The following DTNA variants were observed in gnomAD, a reference collection of about 807,000 sequenced individuals.
DTNA encodes the protein dystrobrevin alpha.
A neutral mutation model predicts 100.7 loss-of-function variants in DTNA; 43 were observed. The observed-to-expected ratio is 0.43, with a 90% CI of 0.33 to 0.55. The LOEUF (loss-of-function observed/expected upper bound fraction) is 0.55. Among genes scored for constraint, DTNA ranks in the 20% least tolerant of loss-of-function variants. DTNA has a pLI of 0.04. For missense variants in DTNA, 798 were observed against 953.9 expected (o/e 0.84, Z 2.15); for synonymous variants, 349 against 347.9 (o/e 1.00, Z -0.04).
chr18:34,536,064 GTGTAA>G (rs748499506), intron 1 of DTNA, among the ~76,000 whole-genome samples: 2 of 151,870 alleles, frequency 1.3e-5, no homozygotes, highest in Non-Finnish European at 2.9e-5. Context: ...ATAAAATAAG[GTGTAA>G]AATACATTTT....
At chr18:34,654,614 T>A (rs1298519495) in intron 1 of DTNA, among the ~76,000 whole-genome samples, 4 of 152,174 alleles carry the variant, frequency 2.6e-5, no homozygotes, top group African/African-American at 9.7e-5. Context: ...CTCATATGGG[T>A]ACATTCTAAA....
At chr18:34,620,856 A>G (rs540362527) in intron 1 of DTNA, among the ~76,000 whole-genome samples, 5 of 152,280 alleles carry the variant, frequency 3.3e-5, no homozygotes, top group African/African-American at 1.2e-4. Context: ...GGGTGGGGAC[A>G]CATATCCAAA....
In DTNA at chr18:34,888,956, A is replaced by T; in HGVS notation, c.*1222A>T. Reference sequence around the variant, plus strand: ...AAAGGAGACAGGCTCTTCTAAGTTGAGTTGGGATTTTTGCACTCAGTGAAA... The same window carrying T: ...AAAGGAGACAGGCTCTTCTAAGTTGTGTTGGGATTTTTGCACTCAGTGAAA... On this transcript the variant is annotated 3_prime_UTR_variant, in exon 23 of 23. Transcript: ENST00000444659. 6.1e-6 allele frequency: 6 copies of T among 985,810 alleles called. No individual in the cohort carries two copies. Among genetic ancestry groups the T allele is most frequent in the Non-Finnish European group, 7.2e-6 (6 of 829,922 alleles). 61.1% of individuals were successfully genotyped at this position (985,810 alleles called of 1,614,324 possible).
At position 34,882,658 on chromosome 18, in the gene DTNA, G is replaced by A. The variant is rs2096884576; in HGVS notation, c.2295+457G>A. Among the ~76,000 whole-genome samples the A allele has an allele frequency of 2.0e-5, 3 of 152,178 alleles. No homozygotes were observed. The South Asian group carries it at 6.2e-4, about 32-fold the overall frequency. ...GCTAGGATTACAGGCGTGAGCCACT[G>A]CACCCACTCTTATAGCTGTCACTCA... On this transcript the variant is annotated intron_variant, in intron 21 of 22. Transcript: ENST00000444659.
intron 1 of DTNA, among the ~76,000 whole-genome samples, chr18:34,714,750 A>G (rs866488290): frequency 2.8e-4 from 42 of 152,182 alleles, no homozygotes; most frequent in Non-Finnish European, 1.3e-4. Flanking sequence ...ATAAAGACAC[A>G]TGCACACGTA....
At position 34,872,901 on chromosome 18, in the gene DTNA, T is replaced by A. The variant is rs185874195; in HGVS notation, c.1744-2338T>A. ...TCCTTAGACTCAGCATGGCAAACCC[T>A]GAGCTTGGAGTCTAAAGACTGGGGA... On this transcript the variant is annotated intron_variant, in intron 17 of 22. Coordinates refer to ENST00000444659, the MANE Select transcript of DTNA (RefSeq NM_001386795.1). Among the ~76,000 whole-genome samples the A allele has an allele frequency of 4.0e-3, 603 of 152,356 alleles. 2 individuals carry two copies. Among genetic ancestry groups the A allele is most frequent in the African/African-American group, 0.014 (585 of 41,570 alleles).
chr18:34,612,873 C>T (rs1530102), intron 1 of DTNA, among the ~76,000 whole-genome samples: 12,862 of 152,142 alleles, frequency 0.085, 717 homozygotes, highest in African/African-American at 0.14. Context: ...AGTGCATAAG[C>T]CAATCATAAT....
chr18:34,668,209 G>T (rs1004408803), intron 1 of DTNA, among the ~76,000 whole-genome samples: 3 of 152,172 alleles, frequency 2.0e-5, no homozygotes, highest in African/African-American at 7.2e-5. Context: ...TAGTTTATTT[G>T]CATAGAGATG....
intron 17 of DTNA, chr18:34,868,453 A>T (rs1189532527): frequency 2.0e-6 from 2 of 982,518 alleles, no homozygotes; most frequent in Non-Finnish European, 2.4e-6. Context: ...GTAAAACATG[A>T]TCTAAGGAGA....
At position 34,739,688 on chromosome 18, in the gene DTNA, TCAGAAAA is replaced by T. The variant is rs777706426; in HGVS notation, c.-1-16280_-1-16274del. ...TGGCTCAAAGAAATAGATCTCTAAATCAGAAAACAGAAAAACATCTCTAACCAGGACC... is the reference window on the plus strand; with the variant it reads ...TGGCTCAAAGAAATAGATCTCTAAATCAGAAAAACATCTCTAACCAGGACC... On this transcript the variant is annotated intron_variant, in intron 1 of 22. Coordinates refer to ENST00000444659, the MANE Select transcript of DTNA (RefSeq NM_001386795.1). 1.4e-4 allele frequency among the ~76,000 whole-genome samples: 22 copies of T among 152,272 alleles called. No homozygotes were observed. In the Middle Eastern group the frequency reaches 0.01, roughly 71 times the overall value.
chr18:34,535,967 T>C (rs2043667902), intron 1 of DTNA, among the ~76,000 whole-genome samples: 1 of 152,094 alleles, frequency 6.6e-6, no homozygotes. Context: ...TCTCTCTTCC[T>C]GAAAAATAAG....
chr18:34,744,835 C>T lies in DTNA; in HGVS notation c.-1-11141C>T, dbSNP rs536790420. Among the ~76,000 whole-genome samples, 130 of 152,174 alleles carry T rather than the reference C, an allele frequency of 8.5e-4. 1 individual carries two copies. The highest frequency in any genetic ancestry group is 3.0e-3 in the African/African-American group (124 of 41,532). Reference sequence around the variant, plus strand: ...GGCAGTGCCCCACAACCAGTACCCTCGGGAAAAACAGGGCAGTTCCTTTGA... The same window carrying T: ...GGCAGTGCCCCACAACCAGTACCCTTGGGAAAAACAGGGCAGTTCCTTTGA... On this transcript the variant is annotated intron_variant, in intron 1 of 22. Coordinates refer to ENST00000444659, the MANE Select transcript of DTNA (RefSeq NM_001386795.1).
intron 11 of DTNA, among the ~76,000 whole-genome samples, chr18:34,832,495 CTGCA>C (rs1243045399): frequency 6.6e-6 from 1 of 152,194 alleles, no homozygotes. Flanking sequence ...GCTGTTGTCT[CTGCA>C]TGCCCTATAC....
chr18:34,657,117 A>G (rs1386682797), intron 1 of DTNA, among the ~76,000 whole-genome samples: 2 of 152,124 alleles, frequency 1.3e-5, no homozygotes, highest in Admixed American at 6.6e-5. Flanking sequence ...AGCTCAGACA[A>G]TCCACCCACC....
chr18:34,599,308 T>C (rs957298883), intron 1 of DTNA, among the ~76,000 whole-genome samples: 3 of 152,234 alleles, frequency 2.0e-5, no homozygotes, highest in Non-Finnish European at 4.4e-5. Flanking sequence ...AAATATGATA[T>C]TGGCCTTTCT....
At chr18:34,820,011 A>G (rs904176835) in intron 8 of DTNA, among the ~76,000 whole-genome samples, 4 of 144,092 alleles carry the variant, frequency 2.8e-5, no homozygotes, top group East Asian at 4.8e-4. Flanking sequence ...AAAAACCGCA[A>G]TTGCTTTTGC....
intron 1 of DTNA, among the ~76,000 whole-genome samples, chr18:34,589,663 A>G (rs550663133): frequency 5.5e-4 from 83 of 152,228 alleles, no homozygotes; most frequent in African/African-American, 1.9e-3. Context: ...TTGGCAAATT[A>G]CCGGTATACA....
At chr18:34,577,897 TGTAAA>T (rs1405586443) in intron 1 of DTNA, among the ~76,000 whole-genome samples, 1 of 152,124 alleles carries the variant, frequency 6.6e-6, no homozygotes, top group Admixed American at 6.5e-5. Flanking sequence ...TTTTTGCAAT[TGTAAA>T]TTGTGCTGCT....
intron 3 of DTNA, among the ~76,000 whole-genome samples, chr18:34,791,713 G>A (rs1448657964): frequency 2.6e-5 from 4 of 152,112 alleles, no homozygotes; most frequent in African/African-American, 9.7e-5. Flanking sequence ...GTTGGTATGT[G>A]ATTTGTACTC....
Sources: allele counts gnomAD v4.1 joint callset (sites outside exome capture counted in the v4.1 genomes callset), GRCh38; gene constraint gnomAD v4.1.1; transcripts MANE v1.5; gene names NCBI Gene and HGNC (gene_info 2026-07-23, HGNC 2026-07-21).